The following DLGAP2 variants were observed in gnomAD, a reference collection of about 807,000 sequenced individuals.
DLGAP2 encodes DLG associated protein 2.
Under a neutral mutation model 100.3 loss-of-function variants are expected in DLGAP2, and 26 were observed. The observed-to-expected ratio is 0.26, with a 90% CI of 0.19 to 0.36. The LOEUF is 0.36. Among genes scored for constraint, DLGAP2 ranks in the 10% least tolerant of loss-of-function variants. The pLI is 1.00. For missense variants in DLGAP2, 1,858 were observed against 1,453.2 expected, an observed-to-expected ratio of 1.28 and a Z score of -4.53; for synonymous variants, 886 against 630.1, an observed-to-expected ratio of 1.41 and a Z score of -6.08.
At position 1,028,197 on chromosome 8, in the gene DLGAP2, G is replaced by T. The variant is rs187465595; in HGVS notation, c.73+120231G>T. ...TTATTCTCCAGTTGGGGTGCCAGGC[G>T]CCCATTATTCTCCAGGTGGGGTGTC... On this transcript the variant is annotated intron_variant, in intron 2 of 14. Coordinates refer to ENST00000637795, the MANE Select transcript of DLGAP2 (RefSeq NM_001346810.2). Among the ~76,000 whole-genome samples, 189 of 142,826 alleles carry T rather than the reference G, an allele frequency of 1.3e-3. 4 individuals carry two copies. In the East Asian group the frequency reaches 0.038, roughly 28 times the overall value. The allele number at this position is 142,826 out of a possible 152,430, so 93.7% of individuals were successfully genotyped here.
At chr8:1,579,843 A>T (rs1477147259) in intron 6 of DLGAP2, among the ~76,000 whole-genome samples, 2 of 152,228 alleles carry the variant, frequency 1.3e-5, no homozygotes, top group Non-Finnish European at 2.9e-5. Context: ...GGTTTGGGTG[A>T]TGTGGGGGCA....
At chr8:767,460 C>G (rs1241165449) in intron 1 of DLGAP2, among the ~76,000 whole-genome samples, 1 of 149,240 alleles carries the variant, frequency 6.7e-6, no homozygotes, top group Non-Finnish European at 1.5e-5. Flanking sequence ...CTCCCAGGTT[C>G]AAGCGATTCT....
chr8:1,494,397 A>T (rs1049680153), intron 3 of DLGAP2, among the ~76,000 whole-genome samples: 1 of 152,142 alleles, frequency 6.6e-6, no homozygotes, highest in Non-Finnish European at 1.5e-5. Context: ...TTTCTTCCCA[A>T]ACCTTGCAGT....
intron 2 of DLGAP2, chr8:1,018,897 T>A (rs1801548912): frequency 6.6e-6 from 1 of 152,160 alleles, no homozygotes; most frequent in South Asian, 2.1e-4. Flanking sequence ...CAAGCTGGTG[T>A]GGCTGAAACG....
chr8:1,686,239 A>G (rs1392621008), intron 12 of DLGAP2, among the ~76,000 whole-genome samples: 1 of 152,250 alleles, frequency 6.6e-6, no homozygotes, highest in East Asian at 1.9e-4. Context: ...AATAATATTC[A>G]CAGTGGAATA....
intron 4 of DLGAP2, among the ~76,000 whole-genome samples, chr8:1,504,559 C>T (rs1044465967): frequency 2.6e-5 from 4 of 152,196 alleles, no homozygotes; most frequent in African/African-American, 9.7e-5. Context: ...TTCCCCCCAA[C>T]CCTCTCTCTG....
chr8:1,580,114 G>A lies in DLGAP2; in HGVS notation c.1442+14220G>A, dbSNP rs73671231. 9.7e-3 allele frequency among the ~76,000 whole-genome samples: 1,476 copies of A among 152,274 alleles called. 22 individuals are homozygous for A. Among genetic ancestry groups the A allele is most frequent in the African/African-American group, 0.034 (1,405 of 41,534 alleles). ...ATTTCATCAAAATTTAGGAGACACC[G>A]TAAAATTAAAGCTCATTCTCAAGAC... On this transcript the variant is annotated intron_variant, in intron 6 of 14. Transcript: ENST00000637795.
At chr8:799,319 C>A (rs1244432854) in intron 1 of DLGAP2, among the ~76,000 whole-genome samples, 1 of 152,038 alleles carries the variant, frequency 6.6e-6, no homozygotes, top group African/African-American at 2.4e-5. Flanking sequence ...TACAGTTGCG[C>A]TTGTCTCGTG....
In DLGAP2 at chr8:1,372,461, C is replaced by T. The variant is rs957203877; in HGVS notation, c.106+113578C>T. Among the ~76,000 whole-genome samples the T allele has an allele frequency of 7.2e-5, 11 of 152,202 alleles. 1 individual carries two copies. Among genetic ancestry groups the T allele is most frequent in the Admixed American group, 7.2e-4 (11 of 15,286 alleles). On this transcript the variant is annotated intron_variant, in intron 3 of 14. Transcript: ENST00000637795. ...AGACAAATGTCGTGCGAGTCCCCTC[C>T]ACAGCAGGGCTTCTCACCCTCAGCT...
intron 2 of DLGAP2, among the ~76,000 whole-genome samples, chr8:1,134,350 G>C (rs1175615402): frequency 3.3e-5 from 5 of 152,184 alleles, no homozygotes. Flanking sequence ...TTTATACCCA[G>C]TCATGGGATT....
At chr8:1,607,098 A>G (rs969442973) in intron 6 of DLGAP2, among the ~76,000 whole-genome samples, 2 of 152,186 alleles carry the variant, frequency 1.3e-5, no homozygotes, top group South Asian at 2.1e-4. Context: ...GAACTCCCAG[A>G]CTGTTTTTCA....
chr8:1,653,606 G>A (rs1443876419), intron 8 of DLGAP2, among the ~76,000 whole-genome samples: 1 of 152,228 alleles, frequency 6.6e-6, no homozygotes, highest in Non-Finnish European at 1.5e-5. Flanking sequence ...TCTCAGATCC[G>A]TGGGCAGAGG....
intron 2 of DLGAP2, among the ~76,000 whole-genome samples, chr8:1,125,172 T>G (rs1468029948): frequency 6.6e-6 from 1 of 152,240 alleles, no homozygotes; most frequent in African/African-American, 2.4e-5. Context: ...TGGCCTTGCA[T>G]TGACAAAATG....
At chr8:1,111,047 G>A (rs1036230805) in intron 2 of DLGAP2, among the ~76,000 whole-genome samples, 1 of 152,320 alleles carries the variant, frequency 6.6e-6, no homozygotes, top group South Asian at 2.1e-4. Flanking sequence ...CTCCACACCC[G>A]TGTGCCACCT....
In DLGAP2 at chr8:1,697,209, G is replaced by A; in HGVS notation, c.2859G>A (p.Gln953=). ...TGGCCGGCTACTGGGACATGCTGCA[G>A]CTCTCCATTGAGGACGTCAGCATGA... ...QDLAGYWDML[Q]LSIEDVSMKF... is the part of the protein sequence containing the mutation. The change falls in exon 14 of 15, where the codon CAG becomes CAA. Residue 953 remains glutamine (Q), a synonymous_variant. Coordinates refer to ENST00000637795, the MANE Select transcript of DLGAP2 (RefSeq NM_001346810.2). 1 of 1,611,216 alleles carries A rather than the reference G, an allele frequency of 6.2e-7. No individual in the cohort carries two copies. The highest frequency in any genetic ancestry group is 1.1e-5 in the South Asian group (1 of 90,966).
chr8:1,007,308 C>A (rs1195692488), intron 2 of DLGAP2, among the ~76,000 whole-genome samples: 3 of 152,204 alleles, frequency 2.0e-5, no homozygotes, highest in African/African-American at 7.2e-5. Flanking sequence ...TGCTGGAGGA[C>A]CTGGCCAGCC....
In DLGAP2 at chr8:1,706,324, G is replaced by A. The variant is rs1263040086; in HGVS notation, c.*4918G>A. The A allele has an allele frequency of 6.6e-6, 1 of 152,230 alleles. No homozygotes were observed. Among genetic ancestry groups the A allele is most frequent in the Non-Finnish European group, 1.5e-5 (1 of 68,050 alleles). The allele number at this position is 152,230 out of a possible 1,614,324, so 9.4% of individuals were successfully genotyped here. A position where few individuals can be genotyped will look rare whatever the true frequency, so the allele number is the denominator to read the frequency against. On this transcript the variant is annotated 3_prime_UTR_variant, in exon 15 of 15. Coordinates refer to ENST00000637795, the MANE Select transcript of DLGAP2 (RefSeq NM_001346810.2). ...TCCCTGTCTTCCTCCAGGACACACT[G>A]TGAGGATTAATGACATATTGGCTCT...
chr8:1,648,485 A>G (rs1798092661), intron 8 of DLGAP2, among the ~76,000 whole-genome samples: 1 of 152,158 alleles, frequency 6.6e-6, no homozygotes, highest in Admixed American at 6.5e-5. Context: ...ACCCAAGGCA[A>G]TACCAAAACC....
At chr8:1,369,586 C>G (rs917587127) in intron 3 of DLGAP2, 3 of 152,222 alleles carry the variant, frequency 2.0e-5, no homozygotes, top group African/African-American at 4.8e-5. Flanking sequence ...GTGCCTGTAT[C>G]TTACAGGACG....
Sources: gnomAD v4.1 joint callset for allele counts (sites outside exome capture counted in the v4.1 genomes callset) on GRCh38, gnomAD v4.1.1 for gene constraint, MANE v1.5 for transcripts, NCBI Gene and HGNC (gene_info 2026-07-23, HGNC 2026-07-21) for gene names.